DNAJC13: variants seen among roughly 807,000 people sequenced by gnomAD.
The protein encoded by DNAJC13 is dnaJ homolog subfamily C member 13.
A neutral mutation model predicts 290.5 loss-of-function variants in DNAJC13; 75 were observed. That is an observed-to-expected ratio of 0.26 (90% CI 0.21 to 0.31). The LOEUF (loss-of-function observed/expected upper bound fraction) is 0.31, where lower values mean the gene tolerates loss of function less well. Ranked by LOEUF, DNAJC13 falls within the 10% of genes least tolerant of loss-of-function variation. DNAJC13 has a pLI of 1.00. For missense variants in DNAJC13, 2,260 were observed against 2,674.5 expected, an observed-to-expected ratio of 0.85 and a Z score of 3.42; for synonymous variants, 862 against 892.0, an observed-to-expected ratio of 0.97 and a Z score of 0.60.
chr3:132,486,856 A>G (rs370140290), intron 29 of DNAJC13, among the ~76,000 whole-genome samples: 18 of 152,250 alleles, frequency 1.2e-4, no homozygotes, highest in East Asian at 1.2e-3. Flanking sequence ...GTTTTCTAGT[A>G]TAGTGATAGT....
At chr3:132,534,527 G>T (rs1417017841) in intron 55 of DNAJC13, among the ~76,000 whole-genome samples, 1 of 152,148 alleles carries the variant, frequency 6.6e-6, no homozygotes, top group Non-Finnish European at 1.5e-5. Context: ...GCATGTTGGT[G>T]CATGCCTGTA....
At position 132,474,937 on chromosome 3, in the gene DNAJC13, G is replaced by C; in HGVS notation, c.2297G>C (p.Gly766Ala). ...CTCATTATATGTATGTCTAGGTTTGGTCAAGACCATGCCAGGTCAAACCTT... is the reference window on the plus strand; with the variant it reads ...CTCATTATATGTATGTCTAGGTTTGCTCAAGACCATGCCAGGTCAAACCTT... ...ANWDLFYYRFGQDHARSNLIW... is the reference protein window; with the variant it reads ...ANWDLFYYRFAQDHARSNLIW... Residue 766 changes from glycine (G) to alanine (A), a missense_variant, in exon 22 of 56, where the codon GGT becomes GCT. By Grantham distance (60) the Gly-to-Ala change is moderately conservative. Around this residue, in one of 3 missense-constraint regions of DNAJC13, gnomAD observed 762 missense variants for 964.1 expected, o/e 0.79. Transcript: ENST00000260818. The C allele has an allele frequency of 6.4e-7, 1 of 1,557,066 alleles. No homozygotes were observed. The highest frequency in any genetic ancestry group is 8.7e-7 in the Non-Finnish European group (1 of 1,148,330).
At chr3:132,535,881 C>T (rs1432381856) in intron 55 of DNAJC13, among the ~76,000 whole-genome samples, 1 of 152,022 alleles carries the variant, frequency 6.6e-6, no homozygotes, top group Non-Finnish European at 1.5e-5. Context: ...GACACATCCT[C>T]AAGGAGAGGC....
intron 51 of DNAJC13, among the ~76,000 whole-genome samples, chr3:132,525,204 G>A (rs1936216888): frequency 6.6e-6 from 1 of 152,196 alleles, no homozygotes. Flanking sequence ...GCCAGGCGTG[G>A]TGGTGCATGC....
chr3:132,513,660 C>T (rs1576513062), intron 45 of DNAJC13, among the ~76,000 whole-genome samples: 1 of 152,184 alleles, frequency 6.6e-6, no homozygotes, highest in Non-Finnish European at 1.5e-5. Flanking sequence ...ACCCATGGGT[C>T]TTAAGAGTCC....
chr3:132,528,442 G>T, intron 54 of DNAJC13, 110 bp downstream of exon 54: 1 of 1,349,912 alleles, frequency 7.4e-7, no homozygotes, highest in South Asian at 1.5e-5. Flanking sequence ...TCTGTTGGTT[G>T]TAACTGGAGA....
chr3:132,458,128 A>AG (rs1193901009), intron 13 of DNAJC13: 1 of 150,832 alleles, frequency 6.6e-6, no homozygotes, highest in Non-Finnish European at 1.5e-5. Flanking sequence ...GGGTAGTCAC[A>AG]GGGCTAAAGA....
chr3:132,492,890 A>C (rs931595970), intron 33 of DNAJC13, among the ~76,000 whole-genome samples: 4 of 151,854 alleles, frequency 2.6e-5, no homozygotes, highest in Non-Finnish European at 5.9e-5. Flanking sequence ...AATTATATAT[A>C]TATAGTATTA....
At chr3:132,508,669 G>C (rs1263159567) in intron 43 of DNAJC13, among the ~76,000 whole-genome samples, 1 of 152,036 alleles carries the variant, frequency 6.6e-6, no homozygotes, top group East Asian at 1.9e-4. Flanking sequence ...AAAACTATTG[G>C]GTACTGTACT....
At chr3:132,421,216 G>A (rs974645032) in intron 1 of DNAJC13, among the ~76,000 whole-genome samples, 1 of 152,200 alleles carries the variant, frequency 6.6e-6, no homozygotes, top group African/African-American at 2.4e-5. Flanking sequence ...GCATGACTCA[G>A]TTGGGTACAA....
chr3:132,423,295 C>T (rs77884742), intron 1 of DNAJC13, among the ~76,000 whole-genome samples: 4,517 of 152,170 alleles, frequency 0.03, 215 homozygotes, highest in African/African-American at 0.1. Context: ...AAAATTATTT[C>T]GACGCTTTGA....
At position 132,514,616 on chromosome 3, in the gene DNAJC13, G is replaced by A. The variant is rs923257488; in HGVS notation, c.5431G>A (p.Ala1811Thr). Residue 1811 changes from alanine to threonine, a missense_variant, in exon 46 of 56, where the codon GCT becomes ACT. Coordinates refer to ENST00000260818, the MANE Select transcript of DNAJC13 (RefSeq NM_015268.4). ...TAACCAAGACTGTGTCAACAATATT[G>A]CTGAATCAATGGTTTTGTCCAGTTT... Reference protein sequence around the residue: ...TSNQDCVNNIAESMVLSSLLA... With the variant: ...TSNQDCVNNITESMVLSSLLA... The A allele has an allele frequency of 1.9e-6, 3 of 1,611,602 alleles. No individual in the cohort carries two copies. In the African/African-American group the frequency reaches 4.0e-5, roughly 22 times the overall value.
intron 33 of DNAJC13, among the ~76,000 whole-genome samples, chr3:132,493,151 G>GT (rs754912221): frequency 7.9e-5 from 12 of 151,512 alleles, no homozygotes; most frequent in Non-Finnish European, 1.8e-4. Context: ...CCTGGCACGC[G>GT]TAAGAGGCAA....
At chr3:132,498,085 A>G (rs1935291795) in intron 36 of DNAJC13, among the ~76,000 whole-genome samples, 2 of 152,206 alleles carry the variant, frequency 1.3e-5, no homozygotes, top group South Asian at 4.1e-4. Flanking sequence ...GAACAGAGTA[A>G]TTAGGCATGT....
chr3:132,497,316 G>A (rs1266048282), intron 36 of DNAJC13, among the ~76,000 whole-genome samples: 2 of 152,188 alleles, frequency 1.3e-5, no homozygotes, highest in African/African-American at 4.8e-5. Flanking sequence ...CCCTTTGTTG[G>A]GGATGAGGGG....
In DNAJC13 at chr3:132,447,314, T is replaced by C. The variant is rs766604970; in HGVS notation, c.145-7T>C. 2.5e-5 allele frequency: 39 copies of C among 1,547,312 alleles called. No individual in the cohort carries two copies. The African/African-American group carries it at 4.2e-4, about 17-fold the overall frequency. On this transcript the variant is annotated splice_region_variant and splice_polypyrimidine_tract_variant and intron_variant, in intron 3 of 55. Coordinates refer to ENST00000260818, the MANE Select transcript of DNAJC13 (RefSeq NM_015268.4). ...GTAGCACCAGTCAAAATTTTTTTTT[T>C]TTTAAGTGGCCTTATGGAGACATTT...
chr3:132,533,212 T>C (rs1409935809), intron 55 of DNAJC13, among the ~76,000 whole-genome samples: 4 of 151,178 alleles, frequency 2.6e-5, no homozygotes, highest in Non-Finnish European at 4.4e-5. Context: ...TGTACCACCA[T>C]GCCCAGCTAA....
In DNAJC13 at chr3:132,510,631, T is replaced by C. The variant is rs375063317; in HGVS notation, c.5116-436T>C. 3.7e-4 allele frequency among the ~76,000 whole-genome samples: 57 copies of C among 152,352 alleles called. No individual in the cohort carries two copies. In the South Asian group the frequency reaches 8.7e-3, roughly 23 times the overall value. Reference sequence around the variant, plus strand: ...AGAGGAAAAATGTACTATGCCATAATGTATATCACGTATCACAGAGTAATA... The same window carrying C: ...AGAGGAAAAATGTACTATGCCATAACGTATATCACGTATCACAGAGTAATA... On this transcript the variant is annotated intron_variant, in intron 43 of 55. Coordinates refer to ENST00000260818, the MANE Select transcript of DNAJC13 (RefSeq NM_015268.4).
chr3:132,444,085 G>A (rs922621616), intron 2 of DNAJC13, among the ~76,000 whole-genome samples: 2 of 152,128 alleles, frequency 1.3e-5, no homozygotes, highest in Non-Finnish European at 2.9e-5. Flanking sequence ...GGAGGTAGGC[G>A]GTGGGCAAGC....
Sources: gnomAD v4.1 joint callset for allele counts (sites outside exome capture counted in the v4.1 genomes callset) on GRCh38, gnomAD v4.1.1 for gene constraint, gnomAD v4.1.1 regional missense constraint, MANE v1.5 for transcripts, NCBI Gene and HGNC (gene_info 2026-07-23, HGNC 2026-07-21) for gene names.